ACKR2: variants seen among roughly 807,000 people sequenced by gnomAD.
ACKR2 encodes the protein C-C chemokine receptor D6.
For missense variants in ACKR2, 457 were observed against 477.3 expected, an observed-to-expected ratio of 0.96 and a Z score of 0.40; for synonymous variants, 207 against 192.2, an observed-to-expected ratio of 1.08 and a Z score of -0.64.
chr3:42,809,816 C>G (rs1015376822), intron 1 of ACKR2, among the ~76,000 whole-genome samples: 1 of 151,310 alleles, frequency 6.6e-6, no homozygotes, highest in African/African-American at 2.4e-5. Context: ...GACCCGAGAT[C>G]GCGCCACTGT....
At chr3:42,828,088 A>ATT (rs1313372905) in intron 2 of ACKR2, among the ~76,000 whole-genome samples, 12 of 93,040 alleles carry the variant, frequency 1.3e-4, no homozygotes, top group African/African-American at 3.6e-4. Flanking sequence ...ATATATATAT[A>ATT]TATATTTTTT....
intron 2 of ACKR2, among the ~76,000 whole-genome samples, chr3:42,832,619 G>GA (rs967805834): frequency 6.6e-6 from 1 of 152,120 alleles, no homozygotes; most frequent in Non-Finnish European, 1.5e-5. Flanking sequence ...ACCGCATACG[G>GA]AACGCACAGC....
intron 2 of ACKR2, among the ~76,000 whole-genome samples, chr3:42,833,107 G>T (rs1014553983): frequency 2.1e-4 from 32 of 152,114 alleles, no homozygotes; most frequent in African/African-American, 7.2e-4. Flanking sequence ...CAAGCGATCT[G>T]CCCGCCTTGG....
At chr3:42,813,351 AAG>A (rs1448425834) in intron 1 of ACKR2, among the ~76,000 whole-genome samples, 1 of 152,230 alleles carries the variant, frequency 6.6e-6, no homozygotes, top group African/African-American at 2.4e-5. Context: ...CAATGCTAGA[AAG>A]AACTACCTGA....
rs1179919005 is a variant in ACKR2, at chr3:42,866,303, A to G, written c.*646A>G. On this transcript the variant is annotated 3_prime_UTR_variant, in exon 3 of 3. Transcript: ENST00000422265. The stretch of plus-strand genomic sequence containing the variant: ...GCGATTCTCCTGCCTCAGCCTCCTG[A>G]GTAGCTGGAACTACATGCGCGTGCC... The G allele has an allele frequency of 1.3e-5, 2 of 151,318 alleles. No homozygotes were observed. Among genetic ancestry groups the G allele is most frequent in the Non-Finnish European group, 2.9e-5 (2 of 68,186 alleles). The allele number at this position is 151,318 out of a possible 1,614,324, so 9.4% of individuals were successfully genotyped here. A position where few individuals can be genotyped will look rare whatever the true frequency, so the allele number is the denominator to read the frequency against.
At chr3:42,829,449 G>A (rs868220053) in intron 2 of ACKR2, among the ~76,000 whole-genome samples, 1 of 152,170 alleles carries the variant, frequency 6.6e-6, no homozygotes, top group South Asian at 2.1e-4. Flanking sequence ...CCAGGAATGA[G>A]GGGCAATTCT....
At position 42,819,676 on chromosome 3, in the gene ACKR2, T is replaced by C. The variant is rs1176943630; in HGVS notation, c.-73T>C. 6.6e-6 allele frequency: 1 copy of C among 152,278 alleles called. No individual in the cohort carries two copies. Among genetic ancestry groups the C allele is most frequent in the Non-Finnish European group, 1.5e-5 (1 of 68,078 alleles). 9.4% of individuals were successfully genotyped at this position (152,278 alleles called of 1,614,324 possible). On this transcript the variant is annotated 5_prime_UTR_variant, in exon 2 of 3. Coordinates refer to ENST00000422265, the MANE Select transcript of ACKR2 (RefSeq NM_001296.5). ...ACAGGAGCCCTCCAGTCAGTACTGA[T>C]TGAATTACTCAAGGCTGCCTCTCTG...
chr3:42,821,136 G>A (rs1181903243), intron 2 of ACKR2, among the ~76,000 whole-genome samples: 31 of 152,010 alleles, frequency 2.0e-4, no homozygotes, highest in East Asian at 1.9e-4. Flanking sequence ...CACCCGCCTC[G>A]GCACCCCAAA....
At chr3:42,834,930 G>A (rs1268472222) in intron 2 of ACKR2, among the ~76,000 whole-genome samples, 3 of 151,696 alleles carry the variant, frequency 2.0e-5, no homozygotes, top group Non-Finnish European at 4.4e-5. Flanking sequence ...TGCTACCCAG[G>A]CTGGAGTGCC....
intron 2 of ACKR2, among the ~76,000 whole-genome samples, chr3:42,859,304 C>A (rs2088356240): frequency 6.6e-6 from 1 of 152,038 alleles, no homozygotes; most frequent in African/African-American, 2.4e-5. Context: ...CAGAGGGAAG[C>A]CCATCAGACT....
chr3:42,820,592 C>CAAA (rs749184218), intron 2 of ACKR2, among the ~76,000 whole-genome samples: 135 of 69,798 alleles, frequency 1.9e-3, no homozygotes, highest in African/African-American at 6.7e-3. Flanking sequence ...GACTCTGTCT[C>CAAA]AAAAAAAAAA....
At chr3:42,816,189 C>CGTGTGTGT (rs56332875) in intron 1 of ACKR2, among the ~76,000 whole-genome samples, 49 of 145,858 alleles carry the variant, frequency 3.4e-4, no homozygotes, top group African/African-American at 9.9e-4. Flanking sequence ...TTGATAGTTT[C>CGTGTGTGT]GTGTGTGTGT....
At chr3:42,858,584 G>A (rs1258900412) in intron 2 of ACKR2, among the ~76,000 whole-genome samples, 1 of 151,992 alleles carries the variant, frequency 6.6e-6, no homozygotes, top group Admixed American at 6.6e-5. Flanking sequence ...GTGCAAAAAG[G>A]CTGAAAATTC....
chr3:42,828,092 A>ATTTTTTTTTTTTTTTTT (rs71072742), intron 2 of ACKR2, among the ~76,000 whole-genome samples: 3 of 121,900 alleles, frequency 2.5e-5, no homozygotes, highest in East Asian at 2.2e-4. Flanking sequence ...ATATATATAT[A>ATTTTTTTTTTTTTTTTT]TTTTTTTTTT....
At chr3:42,830,204 G>T (rs1204118165) in intron 2 of ACKR2, among the ~76,000 whole-genome samples, 1 of 152,168 alleles carries the variant, frequency 6.6e-6, no homozygotes, top group African/African-American at 2.4e-5. Context: ...TAGTATTCCT[G>T]TATCAAAGGA....
In ACKR2 at chr3:42,853,001, A is replaced by C. The variant is rs534641001; in HGVS notation, c.-37-11465A>C. 5.9e-5 allele frequency among the ~76,000 whole-genome samples: 9 copies of C among 152,218 alleles called. No homozygotes were observed. In the East Asian group the frequency reaches 1.7e-3, roughly 29 times the overall value. On this transcript the variant is annotated intron_variant, in intron 2 of 2. Coordinates refer to ENST00000422265, the MANE Select transcript of ACKR2 (RefSeq NM_001296.5). The stretch of plus-strand genomic sequence containing the variant: ...GAAACTAGAGAGGCGATACCTGTTC[A>C]CCCCTTCACGAGGGAGCCAGGAAGA...
intron 2 of ACKR2, chr3:42,856,011 G>C (rs1274201553): frequency 1.4e-5 from 3 of 218,066 alleles, no homozygotes; most frequent in African/African-American, 6.8e-5. Flanking sequence ...GCCCTGATAA[G>C]ACCCGAGTAT....
chr3:42,855,625 T>C (rs2088308975), intron 2 of ACKR2, among the ~76,000 whole-genome samples: 1 of 151,892 alleles, frequency 6.6e-6, no homozygotes, highest in Non-Finnish European at 1.5e-5. Flanking sequence ...CTGGAAAGAT[T>C]CCCAGAGTGA....
rs62246639 is a variant in ACKR2 at position 42,815,832 on chromosome 3, C to T, written c.-118-3799C>T. The stretch of plus-strand genomic sequence containing the variant: ...GGAGGTACCTGGTTCATTCCTCTAC[C>T]CTTTAGGAAGAACAGCTCTAAAATG... On this transcript the variant is annotated intron_variant, in intron 1 of 2. Transcript: ENST00000422265. 5.7e-3 allele frequency among the ~76,000 whole-genome samples: 865 copies of T among 152,208 alleles called. 3 individuals are homozygous for T. The highest frequency in any genetic ancestry group is 9.4e-3 in the Non-Finnish European group (641 of 68,004).
Sources: allele counts gnomAD v4.1 joint callset (sites outside exome capture counted in the v4.1 genomes callset), GRCh38; gene constraint gnomAD v4.1.1; transcripts MANE v1.5; gene names NCBI Gene and HGNC (gene_info 2026-07-23, HGNC 2026-07-21).